MDGA2: variants seen among roughly 807,000 people sequenced by gnomAD.
MDGA2 encodes the protein MAM domain-containing glycosylphosphatidylinositol anchor protein 2.
MDGA2 carries 40 observed loss-of-function variants against 117.8 expected under a neutral mutation model. The observed-to-expected ratio is 0.34, with a 90% CI of 0.26 to 0.44. The LOEUF (loss-of-function observed/expected upper bound fraction) is 0.44, where lower values mean the gene tolerates loss of function less well. Ranked by LOEUF, MDGA2 falls within the 20% of genes least tolerant of loss-of-function variation. The pLI is 1.00. For missense variants in MDGA2, 1,123 were observed against 1,250.6 expected (o/e 0.90, Z 1.54); for synonymous variants, 452 against 439.0 (o/e 1.03, Z -0.37).
At position 47,188,051 on chromosome 14, in the gene MDGA2, A is replaced by G. The variant is rs1328961455; in HGVS notation, c.595+29970T>C. 2.0e-5 allele frequency among the ~76,000 whole-genome samples: 3 copies of G among 152,196 alleles called. No homozygotes were observed. In the East Asian group the frequency reaches 5.8e-4, roughly 29 times the overall value. ...AGGAAAAGATATTTTCCCATTAGAG[A>G]TTTTATAAAAATGACTCCGGAAACT... On this transcript the variant is annotated intron_variant, in intron 3 of 16. Coordinates refer to ENST00000399232, the MANE Select transcript of MDGA2 (RefSeq NM_001113498.3).
chr14:46,982,734 A>AAAAAAAAAAAAAAAAAAAAAAAAT (rs1449356596), intron 8 of MDGA2, among the ~76,000 whole-genome samples: 4 of 130,326 alleles, frequency 3.1e-5, no homozygotes, highest in Non-Finnish European at 5.1e-5. Context: ...AAAAAAAAAA[A>AAAAAAAAAAAAAAAAAAAAAAAAT]AATCATGTCA....
intron 1 of MDGA2, among the ~76,000 whole-genome samples, chr14:47,534,109 A>T (rs1459681160): frequency 2.0e-5 from 3 of 152,186 alleles, no homozygotes; most frequent in Non-Finnish European, 4.4e-5. Context: ...AATGGGTGAG[A>T]CATGGGGCTC....
chr14:47,013,689 A>G (rs966672343), intron 8 of MDGA2, among the ~76,000 whole-genome samples: 4 of 150,090 alleles, frequency 2.7e-5, no homozygotes, highest in Non-Finnish European at 1.5e-5. Flanking sequence ...TTAAATAATA[A>G]GACTTAAAGT....
chr14:47,144,212 A>G lies in MDGA2; in HGVS notation c.658T>C (p.Tyr220His). The G allele has an allele frequency of 6.4e-7, 1 of 1,551,374 alleles. No individual in the cohort carries two copies. Among genetic ancestry groups the G allele is most frequent in the Non-Finnish European group, 8.7e-7 (1 of 1,146,762 alleles). Residue 220 changes from tyrosine to histidine, a missense_variant, in exon 4 of 17, where the codon TAT becomes CAT. Physicochemically the swap from Tyr to His is moderately conservative, Grantham distance 83 (BLOSUM62 2). This residue lies in a region of MDGA2 where 890 missense variants were observed against 1,050.3 expected (regional missense o/e 0.85). Transcript: ENST00000399232. Reference protein sequence around the residue: ...SIGEAKEQFYYERTVFLRCVA... With the variant: ...SIGEAKEQFYHERTVFLRCVA... ...CACCGGAGGAACACTGTTCTCTCAT[A>G]GTAAAATTGTTCTTTAGCTTCACCT... is the stretch of plus-strand genomic sequence containing the variant.
chr14:47,013,772 G>GTGTGTGTATATATATATATA (rs1555343310), intron 8 of MDGA2, among the ~76,000 whole-genome samples: 1 of 93,686 alleles, frequency 1.1e-5, no homozygotes, highest in African/African-American at 3.6e-5. Flanking sequence ...TAATTTCCTT[G>GTGTGTGTATATATATATATA]TATATATATA....
At chr14:47,129,448 T>C (rs1459791233) in intron 5 of MDGA2, among the ~76,000 whole-genome samples, 2 of 151,932 alleles carry the variant, frequency 1.3e-5, no homozygotes, top group African/African-American at 2.4e-5. Context: ...TGCATAGTAT[T>C]CCATGGTGTA....
At chr14:47,326,837 G>T (rs1318502010) in intron 1 of MDGA2, among the ~76,000 whole-genome samples, 1 of 152,090 alleles carries the variant, frequency 6.6e-6, no homozygotes, top group Non-Finnish European at 1.5e-5. Context: ...ATAATGTATT[G>T]TTCCTTCCTC....
In MDGA2 at chr14:47,674,938, G is replaced by A. The variant is rs866240385; in HGVS notation, c.-142C>T. On this transcript the variant is annotated 5_prime_UTR_variant, in exon 1 of 17. Transcript: ENST00000399232. ...GAGCAGGGGGCGGTGATGGGAAGGG[G>A]AGCTGCGAGGCGAAGTGTTCTTCAG... The A allele has an allele frequency of 1.8e-5, 9 of 500,642 alleles. No homozygotes were observed. The highest frequency in any genetic ancestry group is 6.1e-5 in the African/African-American group (3 of 48,924). The allele number at this position is 500,642 out of a possible 1,614,324, so 31.0% of individuals were successfully genotyped here. A position where few individuals can be genotyped will look rare whatever the true frequency, so the allele number is the denominator to read the frequency against.
At chr14:47,480,486 A>T (rs183721352) in intron 1 of MDGA2, among the ~76,000 whole-genome samples, 212 of 152,156 alleles carry the variant, frequency 1.4e-3, no homozygotes, top group Non-Finnish European at 2.6e-3. Context: ...GACTTGGCAA[A>T]AATAATTACA....
At chr14:47,023,525 A>T (rs1888368474) in intron 8 of MDGA2, among the ~76,000 whole-genome samples, 1 of 152,200 alleles carries the variant, frequency 6.6e-6, no homozygotes, top group Non-Finnish European at 1.5e-5. Flanking sequence ...AAGAAAGTGA[A>T]TATTTAGAGA....
rs575086270 is a variant in MDGA2 at position 47,526,941 on chromosome 14, T to G, written c.280+147576A>C. Among the ~76,000 whole-genome samples, 3 of 152,326 alleles carry G rather than the reference T, an allele frequency of 2.0e-5. No homozygotes were observed. The South Asian group carries it at 6.2e-4, about 32-fold the overall frequency. ...TTCCAAGCCCCATCTGCTTTGAGTTTTCACCCACGTCTCCCAAGATTTTGG... is the reference window on the plus strand; with the variant it reads ...TTCCAAGCCCCATCTGCTTTGAGTTGTCACCCACGTCTCCCAAGATTTTGG... On this transcript the variant is annotated intron_variant, in intron 1 of 16. Coordinates refer to ENST00000399232, the MANE Select transcript of MDGA2 (RefSeq NM_001113498.3).
chr14:46,854,565 C>A (rs981094702), intron 15 of MDGA2, among the ~76,000 whole-genome samples: 5 of 151,586 alleles, frequency 3.3e-5, no homozygotes, highest in Admixed American at 3.3e-4. Context: ...TTAAAGTCAT[C>A]TTAATTTTAA....
chr14:47,107,699 A>C (rs978999291), intron 5 of MDGA2, among the ~76,000 whole-genome samples: 14 of 151,284 alleles, frequency 9.3e-5, no homozygotes, highest in Non-Finnish European at 1.9e-4. Context: ...CTTCTACAAA[A>C]CAACTCCTTT....
chr14:46,886,486 AAAT>A (rs953792570), intron 10 of MDGA2, among the ~76,000 whole-genome samples: 1 of 152,134 alleles, frequency 6.6e-6, no homozygotes, highest in Non-Finnish European at 1.5e-5. Context: ...AAATGAAGAG[AAAT>A]AATAAACACT....
chr14:47,433,516 C>A (rs1359394055), intron 1 of MDGA2, among the ~76,000 whole-genome samples: 1 of 152,056 alleles, frequency 6.6e-6, no homozygotes, highest in African/African-American at 2.4e-5. Flanking sequence ...AGTTTTGAAG[C>A]AAGTAGCTTG....
At chr14:47,443,909 T>C (rs1033273196) in intron 1 of MDGA2, among the ~76,000 whole-genome samples, 1 of 152,190 alleles carries the variant, frequency 6.6e-6, no homozygotes, top group African/African-American at 2.4e-5. Flanking sequence ...AGTTGTACTT[T>C]TCCTTCCTAC....
At chr14:47,029,272 C>G (rs866490598) in intron 8 of MDGA2, among the ~76,000 whole-genome samples, 2 of 152,166 alleles carry the variant, frequency 1.3e-5, no homozygotes, top group African/African-American at 4.8e-5. Context: ...ATCTCTGGCT[C>G]TCTCTCCTTC....
At chr14:47,072,782 TACAGGGCTCGA>T in intron 6 of MDGA2, among the ~76,000 whole-genome samples, 1 of 152,100 alleles carries the variant, frequency 6.6e-6, no homozygotes, top group East Asian at 1.9e-4. Context: ...CCTTTAGAAA[TACAGGGCTCGA>T]ACAGAGAAGG....
chr14:47,457,841 GTTTAACT>G (rs1377814471), intron 1 of MDGA2, among the ~76,000 whole-genome samples: 1 of 130,612 alleles, frequency 7.7e-6, no homozygotes, highest in Non-Finnish European at 1.6e-5. Context: ...TTATTTGTTT[GTTTAACT>G]TTTATTATTT....
Sources: allele counts gnomAD v4.1 joint callset (sites outside exome capture counted in the v4.1 genomes callset), GRCh38; gene constraint gnomAD v4.1.1; regional missense constraint gnomAD v4.1.1; transcripts MANE v1.5; gene names NCBI Gene and HGNC (gene_info 2026-07-23, HGNC 2026-07-21).